Variants in COPZ2 observed in about 807,000 individuals in gnomAD.
The protein encoded by COPZ2 is coatomer subunit zeta-2.
COPZ2 carries 30 observed loss-of-function variants against 33.2 expected under a neutral mutation model. The observed-to-expected ratio is 0.90, with a 90% CI of 0.68 to 1.23. The LOEUF is 1.23. Among genes scored for constraint, COPZ2 ranks in the 50% most tolerant of loss-of-function variants. The pLI, the probability that COPZ2 is intolerant of heterozygous loss-of-function variation, is 0.00. For synonymous variants in COPZ2, 89 were observed against 102.6 expected, an observed-to-expected ratio of 0.87 and a Z score of 0.80; for missense variants, 263 against 262.4, an observed-to-expected ratio of 1.00 and a Z score of -0.02.
At position 48,037,381 on chromosome 17, in the gene COPZ2, G is replaced by A; in HGVS notation, c.111+286C>T. On this transcript the variant is annotated intron_variant, in intron 1 of 8. Coordinates refer to ENST00000621465, the MANE Select transcript of COPZ2 (RefSeq NM_016429.4). The surrounding 1 kb of genome is among the most constrained non-coding windows in gnomAD (Gnocchi z 5.6). ...CACCGGTGATGGGAGCCGAGTCTGG[G>A]ACGGACAGGCCACTCCTTACCCTCC... is the stretch of plus-strand genomic sequence containing the variant. The A allele has an allele frequency of 3.0e-6, 1 of 331,474 alleles. No homozygotes were observed. The highest frequency in any genetic ancestry group is 5.8e-6 in the Non-Finnish European group (1 of 171,420). 20.5% of individuals were successfully genotyped at this position (331,474 alleles called of 1,614,324 possible). A position where few individuals can be genotyped will look rare whatever the true frequency, so the allele number is the denominator to read the frequency against.
Position 48,037,676 on chromosome 17 carries a change from C to G in COPZ2, c.102G>C (p.Ser34=), listed in dbSNP as rs1375501426. 9.2e-7 allele frequency: 1 copy of G among 1,090,610 alleles called. No individual in the cohort carries two copies. Among genetic ancestry groups the G allele is most frequent in the African/African-American group, 1.7e-5 (1 of 59,382 alleles). The allele number at this position is 1,090,610 out of a possible 1,614,324, so 67.6% of individuals were successfully genotyped here. The change falls in exon 1 of 9, where the codon TCG becomes TCC. Residue 34 remains serine, a synonymous_variant. Transcript: ENST00000621465. This position sits in a 1 kb window ranked among gnomAD's most constrained non-coding sequence, Gnocchi z 5.6. ...CCCGCCCGCTCCGTACCCGCAGCCC[C>G]GAGGGCTCCCCGGCTCGAGCAGGCG... The part of the protein sequence containing the change: ...PAPPARAGEP[S]GLRLQEPSLY...
chr17:48,027,969 G>C (rs1303205064), intron 8 of COPZ2, among the ~76,000 whole-genome samples: 3 of 152,200 alleles, frequency 2.0e-5, no homozygotes, highest in Non-Finnish European at 4.4e-5. Flanking sequence ...GGTCACTCAG[G>C]GGTAAGGTGA....
In COPZ2 at chr17:48,029,179, A is replaced by G. The variant is rs768230680; in HGVS notation, c.495-3T>C. 5 of 1,571,192 alleles carry G rather than the reference A, an allele frequency of 3.2e-6. No individual in the cohort carries two copies. The highest frequency in any genetic ancestry group is 2.7e-5 in the African/African-American group (2 of 73,840). ...GGGGGTCACTCTCCAGAATCACACTACAAGATGAGAGGAAAAACCAGGAGG... is the reference window on the plus strand; with the variant it reads ...GGGGGTCACTCTCCAGAATCACACTGCAAGATGAGAGGAAAAACCAGGAGG... On this transcript the variant is annotated splice_region_variant and splice_polypyrimidine_tract_variant and intron_variant, in intron 6 of 8. Transcript: ENST00000621465.
chr17:48,038,985 GCTTGTTTGAGACACGGTCTCA>G (rs2037033570), upstream of COPZ2, among the ~76,000 whole-genome samples: 1 of 151,048 alleles, frequency 6.6e-6, no homozygotes, highest in African/African-American at 2.4e-5. Context: ...TACTAATATT[GCTTGTTTGAGACACGGTCTCA>G]CTCTGTTGCC....
At chr17:48,033,768 G>A (rs938511440) in intron 3 of COPZ2, 95 bp downstream of exon 3, 19 of 937,178 alleles carry the variant, frequency 2.0e-5, no homozygotes, top group Non-Finnish European at 3.0e-5. Context: ...GAAATGGCCT[G>A]TGGGTGTGCA....
At position 48,026,293 on chromosome 17, in the gene COPZ2, G is replaced by A; in HGVS notation, c.*135C>T. On this transcript the variant is annotated 3_prime_UTR_variant, in exon 9 of 9. Transcript: ENST00000621465. ...CAAACCTTTGCATCTCAGAAGCCCTGGCTGGAGACCTTAGGAGTCAGTTCT... is the reference window on the plus strand; with the variant it reads ...CAAACCTTTGCATCTCAGAAGCCCTAGCTGGAGACCTTAGGAGTCAGTTCT... 1 of 673,808 alleles carries A rather than the reference G, an allele frequency of 1.5e-6. No homozygotes were observed. Among genetic ancestry groups the A allele is most frequent in the Non-Finnish European group, 2.6e-6 (1 of 390,692 alleles). 41.7% of individuals were successfully genotyped at this position (673,808 alleles called of 1,614,324 possible).
Position 48,026,411 on chromosome 17 carries a change from C to T in COPZ2, c.*17G>A, listed in dbSNP as rs756435805. On this transcript the variant is annotated 3_prime_UTR_variant, in exon 9 of 9. Transcript: ENST00000621465. Reference sequence around the variant, plus strand: ...GGGAAATGATCTGGGGGGCAGGGAGCCTTGAATCCACAGCCTTCATTTCAA... The same window carrying T: ...GGGAAATGATCTGGGGGGCAGGGAGTCTTGAATCCACAGCCTTCATTTCAA... The T allele has an allele frequency of 3.7e-6, 6 of 1,607,402 alleles. No homozygotes were observed. Among genetic ancestry groups the T allele is most frequent in the Non-Finnish European group, 5.1e-6 (6 of 1,174,160 alleles).
At chr17:48,048,023 G>T in the COPZ2 span, 1 of 152,424 alleles carries the variant, frequency 6.6e-6, no homozygotes, top group Non-Finnish European at 1.5e-5. Flanking sequence ...GCCCAACCTG[G>T]ATACTTCACC....
upstream of COPZ2, among the ~76,000 whole-genome samples, chr17:48,040,556 C>T (rs973993981): frequency 1.3e-5 from 2 of 151,568 alleles, no homozygotes; most frequent in Non-Finnish European, 2.9e-5. Context: ...CCTCAGCCTC[C>T]CGAGTAGTTG....
upstream of COPZ2, among the ~76,000 whole-genome samples, chr17:48,038,860 CA>C (rs1011159470): frequency 6.6e-6 from 1 of 152,214 alleles, no homozygotes; most frequent in Admixed American, 6.5e-5. Context: ...ATATAATTAC[CA>C]AAAGGTCCTC....
At chr17:48,045,786 T>C in the COPZ2 span, 1 of 151,982 alleles carries the variant, frequency 6.6e-6, no homozygotes, top group Admixed American at 6.5e-5. Flanking sequence ...GATCCTTCTT[T>C]TGCTTCTTGG....
At chr17:48,033,416 C>G in intron 3 of COPZ2, 114 bp from the exon 4 acceptor site, 1 of 700,276 alleles carries the variant, frequency 1.4e-6, no homozygotes, top group Non-Finnish European at 2.6e-6. Flanking sequence ...TTCTGGAGAA[C>G]CCTTGGAAAG....
At position 48,037,683 on chromosome 17, in the gene COPZ2, T is replaced by TC; in HGVS notation, c.94dup (p.Glu32GlyfsTer23). On this transcript the variant is annotated frameshift_variant, in exon 1 of 9. Coordinates refer to ENST00000621465, the MANE Select transcript of COPZ2 (RefSeq NM_016429.4). LOFTEE classifies it high-confidence loss of function. The surrounding 1 kb of genome is among the most constrained non-coding windows in gnomAD (Gnocchi z 5.6). The stretch of plus-strand genomic sequence containing the variant: ...GCTCCGTACCCGCAGCCCCGAGGGC[T>TC]CCCCGGCTCGAGCAGGCGGCGCCGG... 1 of 1,074,572 alleles carries TC rather than the reference T, an allele frequency of 9.3e-7. No homozygotes were observed. Among genetic ancestry groups the TC allele is most frequent in the South Asian group, 4.3e-5 (1 of 23,408 alleles). The allele number at this position is 1,074,572 out of a possible 1,614,324, so 66.6% of individuals were successfully genotyped here.
At chr17:48,042,555 G>A (rs758422932), upstream of COPZ2, among the ~76,000 whole-genome samples, 3 of 152,052 alleles carry the variant, frequency 2.0e-5, no homozygotes, top group Non-Finnish European at 2.9e-5. Context: ...TCTGCCTCCC[G>A]GGTTCAAGCA....
At chr17:48,043,099 C>T in the COPZ2 span, among the ~76,000 whole-genome samples, 1 of 152,316 alleles carries the variant, frequency 6.6e-6, no homozygotes, top group East Asian at 1.9e-4. Flanking sequence ...CTCCCCAGCT[C>T]GAGGAAGCCA....
the COPZ2 span, chr17:48,046,273 T>C: frequency 6.6e-6 from 1 of 152,258 alleles, no homozygotes; most frequent in Non-Finnish European, 1.5e-5. Flanking sequence ...AATTGTCTTG[T>C]AGTTAAACAC....
At chr17:48,037,977 C>T (rs923717997), upstream of COPZ2, 18 of 571,658 alleles carry the variant, frequency 3.1e-5, no homozygotes, top group African/African-American at 3.5e-4. This position sits in a 1 kb window ranked among gnomAD's most constrained non-coding sequence, Gnocchi z 5.6. Flanking sequence ...CTCTCTCCTC[C>T]TTGGCTCCTT....
chr17:48,034,090 G>C (rs1444856415), intron 2 of COPZ2, 146 bp from the exon 3 acceptor site: 1 of 602,510 alleles, frequency 1.7e-6, no homozygotes, highest in Non-Finnish European at 3.0e-6. Flanking sequence ...TAGGCCTGCA[G>C]GCTCATTACT....
Position 48,033,227 on chromosome 17 carries a change from G to A in COPZ2, c.344C>T (p.Ser115Leu), listed in dbSNP as rs773451971. ...TGAATTCACCTCATTCTCGTAGGAT[G>A]AGCCCACCACGTATAGGAAGAGGTC... ...SIDLFLYVVG[S>L]SYENELMLMS... is the part of the protein sequence containing the mutation. Residue 115 changes from serine to leucine, a missense_variant, in exon 4 of 9, where the codon TCA (serine) becomes TTA (leucine). Coordinates refer to ENST00000621465, the MANE Select transcript of COPZ2 (RefSeq NM_016429.4). 6 of 1,611,510 alleles carry A rather than the reference G, an allele frequency of 3.7e-6. No individual in the cohort carries two copies. The highest frequency in any genetic ancestry group is 3.3e-5 in the South Asian group (3 of 90,810).
Sources: gnomAD v4.1 joint callset for allele counts (sites outside exome capture counted in the v4.1 genomes callset) on GRCh38, gnomAD v4.1.1 for gene constraint, Gnocchi (gnomAD v3.1) non-coding constraint, MANE v1.5 for transcripts, NCBI Gene and HGNC (gene_info 2026-07-23, HGNC 2026-07-21) for gene names.